Variants in VIPR1 observed in about 807,000 individuals in gnomAD.
VIPR1 encodes vasoactive intestinal polypeptide receptor 1.
In VIPR1, 59 loss-of-function variants were observed where a neutral mutation model predicts 58.8. The ratio of observed to expected loss-of-function variants is 1.00; its 90% confidence interval spans 0.81 to 1.25. The LOEUF (loss-of-function observed/expected upper bound fraction) is 1.25, where lower values mean the gene tolerates loss of function less well. VIPR1 is among the 50% of genes most tolerant of loss of function. VIPR1 has a pLI of 0.00. For synonymous variants in VIPR1, 251 were observed against 242.1 expected (o/e 1.04, Z -0.34); for missense variants, 626 against 602.7 (o/e 1.04, Z -0.40).
chr3:42,521,300 C>T (rs1029276732), intron 3 of VIPR1: 1 of 152,192 alleles, frequency 6.6e-6, no homozygotes, highest in African/African-American at 2.4e-5. Flanking sequence ...TAGTGACAAG[C>T]AGAATATGCC....
chr3:42,493,131 A>G (rs1379327707), intron 1 of VIPR1, among the ~76,000 whole-genome samples: 3 of 152,238 alleles, frequency 2.0e-5, no homozygotes, highest in African/African-American at 7.2e-5. Context: ...AACCTGAGTC[A>G]ATGGACTGAG....
Position 42,528,001 on chromosome 3 carries a change from T to C in VIPR1, c.514T>C (p.Cys172Arg), listed in dbSNP as rs1701324546. 2 of 1,613,876 alleles carry C rather than the reference T, an allele frequency of 1.2e-6. No homozygotes were observed. Among genetic ancestry groups the C allele is most frequent in the Admixed American group, 3.3e-5 (2 of 59,998 alleles). ...GCCCACCCCACACAGGAAGCTCCAC[T>C]GCACGCGGAACTACATCCACATGCA... The part of the protein sequence containing the change: ...AILSLFRKLH[C>R]TRNYIHMHLF... The change falls in exon 6 of 13, where the codon TGC becomes CGC. Residue 172 changes from cysteine to arginine, a missense_variant. By Grantham distance (180) the Cys-to-Arg change is radical. Coordinates refer to ENST00000325123, the MANE Select transcript of VIPR1 (RefSeq NM_004624.4).
At chr3:42,526,891 C>A (rs1254794182) in intron 4 of VIPR1, among the ~76,000 whole-genome samples, 1 of 152,150 alleles carries the variant, frequency 6.6e-6, no homozygotes, top group Non-Finnish European at 1.5e-5. Flanking sequence ...CCCACCGACC[C>A]CAACTCCCAA....
upstream of VIPR1, among the ~76,000 whole-genome samples, chr3:42,498,883 T>C (rs1018873206): frequency 6.6e-5 from 10 of 152,170 alleles, no homozygotes; most frequent in African/African-American, 2.4e-4. Context: ...AGGGAATATT[T>C]CTTCTTTAAA....
At chr3:42,531,343 G>A (rs781280003) in intron 7 of VIPR1, 128 bp from the exon 8 acceptor site, 131 of 973,806 alleles carry the variant, frequency 1.3e-4, no homozygotes, top group Non-Finnish European at 1.9e-4. Flanking sequence ...ACCAAAGACA[G>A]CAGACTGACA....
intron 1 of VIPR1, among the ~76,000 whole-genome samples, chr3:42,495,384 G>C (rs562963999): frequency 6.6e-6 from 1 of 152,146 alleles, no homozygotes; most frequent in African/African-American, 2.4e-5. Context: ...GCCTCCCAAA[G>C]TGCTGGGATT....
rs777837029 is a variant in VIPR1, at chr3:42,528,011, A to G, written c.524A>G (p.Asn175Ser). 1 of 1,614,032 alleles carries G rather than the reference A, an allele frequency of 6.2e-7. No homozygotes were observed. Among genetic ancestry groups the G allele is most frequent in the South Asian group, 1.1e-5 (1 of 91,080 alleles). ...SLFRKLHCTR[N>S]YIHMHLFISF... ...CACAGGAAGCTCCACTGCACGCGGA[A>G]CTACATCCACATGCACCTCTTCATA... The change falls in exon 6 of 13, where the codon AAC (asparagine) becomes AGC (serine). Residue 175 changes from asparagine (N) to serine (S), a missense_variant. Coordinates refer to ENST00000325123, the MANE Select transcript of VIPR1 (RefSeq NM_004624.4).
At chr3:42,512,680 T>A in intron 1 of VIPR1, 1 of 942,842 alleles carries the variant, frequency 1.1e-6, no homozygotes, top group Non-Finnish European at 1.3e-6. Context: ...ACACTGAGAA[T>A]GTCTGATTCT....
intron 3 of VIPR1, among the ~76,000 whole-genome samples, chr3:42,524,447 C>G (rs1446460869): frequency 6.6e-6 from 1 of 152,222 alleles, no homozygotes; most frequent in Non-Finnish European, 1.5e-5. Context: ...CCTCCTCAAC[C>G]AAATCCATCC....
At chr3:42,497,978 A>G (rs1171288841), upstream of VIPR1, among the ~76,000 whole-genome samples, 1 of 152,168 alleles carries the variant, frequency 6.6e-6, no homozygotes, top group African/African-American at 2.4e-5. Context: ...GACAAAACTG[A>G]GTCCTGGGGT....
chr3:42,528,111 C>T lies in VIPR1; in HGVS notation c.624C>T (p.Cys208=). Residue 208 remains cysteine, a synonymous_variant, in exon 6 of 13, where the codon TGC becomes TGT. Coordinates refer to ENST00000325123, the MANE Select transcript of VIPR1 (RefSeq NM_004624.4). ...TCGACAGCGGGGAGTCGGACCAGTG[C>T]TCCGAGGGCTCGGTGAGGATCCTGG... ...ALFDSGESDQ[C]SEGSVGCKAA... The T allele has an allele frequency of 6.2e-7, 1 of 1,613,622 alleles. No individual in the cohort carries two copies. The highest frequency in any genetic ancestry group is 8.5e-7 in the Non-Finnish European group (1 of 1,179,862).
chr3:42,528,200 T>C, intron 6 of VIPR1, 77 bp downstream of exon 6: 1 of 1,538,238 alleles, frequency 6.5e-7, no homozygotes, highest in Non-Finnish European at 8.8e-7. Context: ...CTTCTCCCCC[T>C]GCTTCTCCCT....
chr3:42,521,834 G>A (rs1046671809), intron 3 of VIPR1, among the ~76,000 whole-genome samples: 4 of 151,568 alleles, frequency 2.6e-5, no homozygotes, highest in Non-Finnish European at 4.4e-5. Context: ...TGCAACCTCC[G>A]TCTCCTGGGT....
At chr3:42,510,516 T>G (rs1559482333) in intron 1 of VIPR1, among the ~76,000 whole-genome samples, 1 of 152,178 alleles carries the variant, frequency 6.6e-6, no homozygotes, top group Admixed American at 6.5e-5. Flanking sequence ...TAGAGGGAGC[T>G]GCCCTGGCCC....
chr3:42,493,447 G>A (rs1389691732), intron 1 of VIPR1, among the ~76,000 whole-genome samples: 1 of 152,226 alleles, frequency 6.6e-6, no homozygotes, highest in Non-Finnish European at 1.5e-5. Flanking sequence ...AGCATTTAGT[G>A]AGCATGGCTG....
chr3:42,527,304 G>T, intron 4 of VIPR1, 89 bp from the exon 5 acceptor site: 1 of 1,254,130 alleles, frequency 8.0e-7, no homozygotes, highest in South Asian at 1.3e-5. Context: ...TGGGCAGGCA[G>T]AGTGTGTAGG....
chr3:42,530,726 T>C, intron 6 of VIPR1, 53 bp from the exon 7 acceptor site: 1 of 1,598,888 alleles, frequency 6.3e-7, no homozygotes, highest in South Asian at 1.1e-5. Context: ...GTGTGGGCAG[T>C]CAAGGACCCT....
chr3:42,510,436 T>C (rs1439544312), intron 1 of VIPR1, among the ~76,000 whole-genome samples: 2 of 152,118 alleles, frequency 1.3e-5, no homozygotes, highest in Non-Finnish European at 2.9e-5. Context: ...AATGAGGATG[T>C]TTAGAATAGG....
Position 42,528,128 on chromosome 3 carries a change from G to C in VIPR1, c.636+5G>C. The C allele has an allele frequency of 2.5e-6, 4 of 1,612,790 alleles. No homozygotes were observed. The highest frequency in any genetic ancestry group is 3.4e-6 in the Non-Finnish European group (4 of 1,179,582). On this transcript the variant is annotated splice_donor_5th_base_variant and intron_variant, in intron 6 of 12. Transcript: ENST00000325123. ...GACCAGTGCTCCGAGGGCTCGGTGA[G>C]GATCCTGGCCCTGGCCCACCTCCCT...
Sources: gnomAD v4.1 joint callset for allele counts (sites outside exome capture counted in the v4.1 genomes callset) on GRCh38, gnomAD v4.1.1 for gene constraint, MANE v1.5 for transcripts, NCBI Gene and HGNC (gene_info 2026-07-23, HGNC 2026-07-21) for gene names.